ACIN1: variants seen among roughly 807,000 people sequenced by gnomAD.
ACIN1 encodes the protein apoptotic chromatin condensation inducer 1, also known as apoptotic chromatin condensation inducer in the nucleus.
In ACIN1, 16 loss-of-function variants were observed where a neutral mutation model predicts 146.6. The observed-to-expected ratio is 0.11, with a 90% CI of 0.07 to 0.17. The LOEUF (loss-of-function observed/expected upper bound fraction) is 0.17. Among genes scored for constraint, ACIN1 ranks in the 10% least tolerant of loss-of-function variants. ACIN1 has a pLI of 1.00. For missense variants in ACIN1, 1,357 were observed against 1,609.3 expected (o/e 0.84, Z 2.68); for synonymous variants, 569 against 582.7 (o/e 0.98, Z 0.34).
chr14:23,060,201 T>A (rs2012588), intron 18 of ACIN1, among the ~76,000 whole-genome samples: 10,929 of 146,560 alleles, frequency 0.075, 452 homozygotes, highest in Middle Eastern at 0.17. Context: ...AGATGGAGGC[T>A]TAGATGATCC....
In ACIN1 at chr14:23,067,586, G is replaced by C; in HGVS notation, c.2266-1578C>G. On this transcript the variant is annotated intron_variant, in intron 9 of 18. Transcript: ENST00000605057. This position sits in a 1 kb window ranked among gnomAD's most constrained non-coding sequence, Gnocchi z 4.6. ...CTGGCGGTGGCCAGGCTCAGCGAGGGATAGAGGGGGGAAAGGGGCAGAGAC... is the reference window on the plus strand; with the variant it reads ...CTGGCGGTGGCCAGGCTCAGCGAGGCATAGAGGGGGGAAAGGGGCAGAGAC... The C allele has an allele frequency of 2.0e-6, 2 of 985,954 alleles. No individual in the cohort carries two copies. The highest frequency in any genetic ancestry group is 2.4e-6 in the Non-Finnish European group (2 of 830,036). The allele number at this position is 985,954 out of a possible 1,614,324, so 61.1% of individuals were successfully genotyped here.
At chr14:23,085,063 G>A (rs1594780759) in intron 4 of ACIN1, among the ~76,000 whole-genome samples, 2 of 152,126 alleles carry the variant, frequency 1.3e-5, no homozygotes, top group African/African-American at 2.4e-5. Flanking sequence ...TAAAGTCAAC[G>A]CTGGGCGCAG....
intron 3 of ACIN1, 119 bp from the exon 4 acceptor site, chr14:23,090,220 A>G (rs1255546271): frequency 1.5e-6 from 2 of 1,375,110 alleles, no homozygotes; most frequent in Non-Finnish European, 9.7e-7. Context: ...TACCAAAAAG[A>G]GCACCGTATA....
intron 12 of ACIN1, among the ~76,000 whole-genome samples, 182 bp from the exon 13 acceptor site, chr14:23,063,759 G>A (rs2047363665): frequency 6.6e-6 from 1 of 152,306 alleles, no homozygotes; most frequent in East Asian, 1.9e-4. Flanking sequence ...TTTGCCTTGA[G>A]GAAAACTAAG....
At chr14:23,095,292 C>T (rs1470945733), upstream of ACIN1, 2 of 1,589,502 alleles carry the variant, frequency 1.3e-6, no homozygotes, top group East Asian at 2.3e-5. Flanking sequence ...CACATCGTTA[C>T]CAATCAATTC....
intron 18 of ACIN1, among the ~76,000 whole-genome samples, chr14:23,060,521 T>A (rs1385974891): frequency 6.6e-6 from 1 of 151,786 alleles, no homozygotes. Flanking sequence ...TTTTTTTTTT[T>A]AATTGTCTGA....
chr14:23,073,673 A>T (rs971955988), intron 8 of ACIN1, among the ~76,000 whole-genome samples: 1 of 152,052 alleles, frequency 6.6e-6, no homozygotes, highest in African/African-American at 2.4e-5. Flanking sequence ...AAAGAAAAAA[A>T]TTTTTTTAAT....
At chr14:23,087,077 T>G (rs1282802619) in intron 4 of ACIN1, among the ~76,000 whole-genome samples, 2 of 152,120 alleles carry the variant, frequency 1.3e-5, no homozygotes, top group Non-Finnish European at 2.9e-5. Flanking sequence ...AAAATGTTAG[T>G]AGGAAACTTA....
chr14:23,062,899 A>C (rs751218575), intron 14 of ACIN1, 30 bp downstream of exon 14: 4 of 1,582,668 alleles, frequency 2.5e-6, no homozygotes, highest in African/African-American at 2.7e-5. Context: ...ACCACTAAGC[A>C]AGCTGGGATG....
intron 11 of ACIN1, 21 bp from the exon 12 acceptor site, chr14:23,064,278 A>G (rs1448690189): frequency 4.3e-6 from 7 of 1,613,282 alleles, no homozygotes; most frequent in Non-Finnish European, 5.1e-6. Flanking sequence ...GATACCCCCC[A>G]CCCCGTTACA....
intron 1 of ACIN1, chr14:23,094,455 A>G (rs2048314606): frequency 3.7e-5 from 36 of 985,038 alleles, no homozygotes; most frequent in Non-Finnish European, 4.3e-5. Flanking sequence ...CCTCTCTCTC[A>G]TCAAGTCCCT....
Position 23,081,738 on chromosome 14 carries a change from T to C in ACIN1, c.525+10A>G. On this transcript the variant is annotated intron_variant, in intron 5 of 18. Coordinates refer to ENST00000605057, the MANE Select transcript of ACIN1 (RefSeq NM_001386863.1). ...TGAAGAGGTAATGCTTTAGGAGGTATCTGAGTTACCTGTCTGACCCTAGAT... is the reference window on the plus strand; with the variant it reads ...TGAAGAGGTAATGCTTTAGGAGGTACCTGAGTTACCTGTCTGACCCTAGAT... 6.2e-7 allele frequency: 1 copy of C among 1,602,508 alleles called. No individual in the cohort carries two copies. Among genetic ancestry groups the C allele is most frequent in the South Asian group, 1.1e-5 (1 of 89,910 alleles).
In ACIN1 at chr14:23,094,709, G is replaced by A. The variant is rs951414920; in HGVS notation, c.138+266C>T. The A allele has an allele frequency of 1.2e-5, 8 of 661,216 alleles. No individual in the cohort carries two copies. The Admixed American group carries it at 2.2e-4, about 18-fold the overall frequency. The allele number at this position is 661,216 out of a possible 1,614,324, so 41.0% of individuals were successfully genotyped here. A position where few individuals can be genotyped will look rare whatever the true frequency, so the allele number is the denominator to read the frequency against. ...ACAGATACAAACAAGGAGGGGGTGG[G>A]GGAAGGAGGAAGGAGCTTAAGACAC... On this transcript the variant is annotated intron_variant, in intron 1 of 18. Coordinates refer to ENST00000605057, the MANE Select transcript of ACIN1 (RefSeq NM_001386863.1).
chr14:23,073,649 A>C (rs1016335453), intron 8 of ACIN1, among the ~76,000 whole-genome samples: 1 of 151,832 alleles, frequency 6.6e-6, no homozygotes, highest in African/African-American at 2.4e-5. Flanking sequence ...CAAGAGCAAA[A>C]CTCCATCTCA....
intron 6 of ACIN1, 89 bp from the exon 7 acceptor site, chr14:23,079,127 A>G (rs1242654285): frequency 1.5e-6 from 2 of 1,302,450 alleles, no homozygotes; most frequent in African/African-American, 3.0e-5. Flanking sequence ...TCCATGGACC[A>G]AATTTTATAC....
chr14:23,062,068 G>A, intron 16 of ACIN1, 100 bp downstream of exon 16: 1 of 925,930 alleles, frequency 1.1e-6, no homozygotes, highest in South Asian at 1.4e-5. Context: ...GAAAAGAACA[G>A]AAGCTCAGAG....
At chr14:23,064,539 A>G in intron 10 of ACIN1, 51 bp from the exon 11 acceptor site, 1 of 1,601,274 alleles carries the variant, frequency 6.2e-7, no homozygotes, top group South Asian at 1.1e-5. Flanking sequence ...GACCTCTGCT[A>G]GTTCAAACCG....
In ACIN1 at chr14:23,060,505, GTTCT is replaced by G. The variant is rs201649324; in HGVS notation, c.3525+575_3525+578del. Among the ~76,000 whole-genome samples the G allele has an allele frequency of 9.1e-3, 1,380 of 151,238 alleles. 12 individuals carry two copies. Among genetic ancestry groups the G allele is most frequent in the African/African-American group, 0.033 (1,330 of 40,822 alleles). On this transcript the variant is annotated intron_variant, in intron 18 of 18. Coordinates refer to ENST00000605057, the MANE Select transcript of ACIN1 (RefSeq NM_001386863.1). ...CGATTTCTCAGCTAAATACAATCAA[GTTCT>G]TTTTTTTTTTTTAATTGTCTGAGAC...
At position 23,079,720 on chromosome 14, in the gene ACIN1, C is replaced by T. The variant is rs562966424; in HGVS notation, c.1615G>A (p.Asp539Asn). Reference protein sequence around the residue: ...SSSRSRSRSPDSSGSRSHSPL... With the variant: ...SSSRSRSRSPNSSGSRSHSPL... ...GAATGAGACCGAGAACCTGAACTGT[C>T]AGGAGAGCGAGATCTTGATCTAGAA... Residue 539 changes from aspartate to asparagine, a missense_variant, in exon 6 of 19, where the codon GAC (aspartate) becomes AAC (asparagine). Physicochemically the swap from Asp to Asn is conservative, Grantham distance 23. Transcript: ENST00000605057. 4.3e-5 allele frequency: 69 copies of T among 1,614,110 alleles called. 1 individual carries two copies. In the East Asian group the frequency reaches 1.3e-3, roughly 31 times the overall value.
Sources: gnomAD v4.1 joint callset for allele counts (sites outside exome capture counted in the v4.1 genomes callset) on GRCh38, gnomAD v4.1.1 for gene constraint, Gnocchi (gnomAD v3.1) non-coding constraint, MANE v1.5 for transcripts, NCBI Gene and HGNC (gene_info 2026-07-23, HGNC 2026-07-21) for gene names.